SYNE3: variants seen among roughly 807,000 people sequenced by gnomAD.
SYNE3 encodes the protein nesprin-3.
A neutral mutation model predicts 111.2 loss-of-function variants in SYNE3; 100 were observed. The observed-to-expected ratio is 0.90, with a 90% CI of 0.77 to 1.06. SYNE3 has a LOEUF of 1.06. Among genes scored for constraint, SYNE3 ranks in the 50% least tolerant of loss-of-function variants. SYNE3 has a pLI of 0.00. For synonymous variants in SYNE3, 547 were observed against 533.9 expected (o/e 1.02, Z -0.34); for missense variants, 1,160 against 1,240.3 (o/e 0.94, Z 0.97).
In SYNE3 at chr14:95,479,939, A is replaced by G. The variant is rs1008450645; in HGVS notation, c.-14-4104T>C. ...AGACTGGGGTCACTGCAGAAATGGC[A>G]GACGCACACGGCCAAGGACAATGAG... On this transcript the variant is annotated intron_variant, in intron 1 of 17. Coordinates refer to ENST00000682763, the MANE Select transcript of SYNE3 (RefSeq NM_152592.6). Among the ~76,000 whole-genome samples, 6 of 152,162 alleles carry G rather than the reference A, an allele frequency of 3.9e-5. No homozygotes were observed. The East Asian group carries it at 1.2e-3, about 29-fold the overall frequency.
In SYNE3 at chr14:95,417,940, G is replaced by C. The variant is rs1477631095; in HGVS notation, c.2814C>G (p.Leu938=). ...TGATTGGGAGCAGGAACAGCAGGAG[G>C]AGGAACAGCAGCAGAAGCAGCTGCA... is the stretch of plus-strand genomic sequence containing the variant. The part of the protein sequence containing the change: ...LPLQLLLLLF[L]LLLFLLPIRE... Residue 938 remains leucine, a synonymous_variant, in exon 18 of 18, where the codon CTC becomes CTG. Coordinates refer to ENST00000682763, the MANE Select transcript of SYNE3 (RefSeq NM_152592.6). The C allele has an allele frequency of 6.2e-6, 10 of 1,614,026 alleles. No homozygotes were observed. The highest frequency in any genetic ancestry group is 8.5e-6 in the Non-Finnish European group (10 of 1,180,018).
At chr14:95,509,015 A>T (rs546294898) in intron 1 of SYNE3, among the ~76,000 whole-genome samples, 28 of 152,380 alleles carry the variant, frequency 1.8e-4, no homozygotes, top group Non-Finnish European at 2.9e-4. Context: ...AGTAGTAATA[A>T]TAGCGTGCTC....
intron 1 of SYNE3, among the ~76,000 whole-genome samples, chr14:95,498,971 T>C (rs1890213824): frequency 6.6e-6 from 1 of 152,138 alleles, no homozygotes; most frequent in Admixed American, 6.5e-5. Context: ...ACCATTCGAA[T>C]CTCACTTTTA....
chr14:95,448,907 G>A (rs914484582), intron 8 of SYNE3, among the ~76,000 whole-genome samples: 8 of 152,210 alleles, frequency 5.3e-5, no homozygotes, highest in South Asian at 4.1e-4. Context: ...CCTGTGGCTT[G>A]TGGGATAATG....
chr14:95,420,711 A>AACAC (rs1009627085), intron 17 of SYNE3, among the ~76,000 whole-genome samples: 32 of 150,694 alleles, frequency 2.1e-4, no homozygotes, highest in African/African-American at 7.1e-4. Context: ...TGCTTAGGAA[A>AACAC]ACACACACAC....
chr14:95,463,209 C>CG (rs140535710), intron 4 of SYNE3, among the ~76,000 whole-genome samples: 7,865 of 152,108 alleles, frequency 0.052, 378 homozygotes, highest in African/African-American at 0.13. Flanking sequence ...CATAAAAAGA[C>CG]TGGGGGAGCA....
chr14:95,468,723 A>G (rs1171504280), intron 2 of SYNE3, among the ~76,000 whole-genome samples: 1 of 151,824 alleles, frequency 6.6e-6, no homozygotes, highest in Non-Finnish European at 1.5e-5. Context: ...CTTCCTCCCC[A>G]TATTCTCCCA....
intron 1 of SYNE3, among the ~76,000 whole-genome samples, chr14:95,501,908 C>T (rs762821011): frequency 2.0e-5 from 3 of 152,152 alleles, no homozygotes; most frequent in Non-Finnish European, 2.9e-5. Context: ...GGTTTTCTGT[C>T]TTCACAGACT....
chr14:95,439,257 G>A (rs994450200), intron 13 of SYNE3, 95 bp from the exon 14 acceptor site: 78 of 1,539,444 alleles, frequency 5.1e-5, no homozygotes, highest in East Asian at 2.9e-4. Context: ...CACGGGTCAC[G>A]AGTCAGTGCC....
chr14:95,501,716 G>C (rs1010843516), intron 1 of SYNE3, among the ~76,000 whole-genome samples: 5 of 139,636 alleles, frequency 3.6e-5, no homozygotes, highest in African/African-American at 1.3e-4. Context: ...CCACAGGAGG[G>C]AAGGGCATGG....
At chr14:95,425,703 G>A (rs1885392232) in intron 17 of SYNE3, among the ~76,000 whole-genome samples, 2 of 152,238 alleles carry the variant, frequency 1.3e-5, no homozygotes, top group African/African-American at 4.8e-5. Context: ...GATGAGAGGA[G>A]GTCTATGGGA....
At chr14:95,445,108 C>G (rs139999775) in intron 9 of SYNE3, among the ~76,000 whole-genome samples, 135 of 152,308 alleles carry the variant, frequency 8.9e-4, no homozygotes, top group Admixed American at 2.0e-3. Context: ...TTATTTGTGT[C>G]TACCAGCAAA....
Position 95,475,716 on chromosome 14 carries a change from G to T in SYNE3, c.106C>A (p.Pro36Thr), listed in dbSNP as rs748312825. The change falls in exon 2 of 18, where the codon CCC becomes ACC. Residue 36 changes from proline to threonine, a missense_variant. Transcript: ENST00000682763. ...AGCCTGGCCTCCAGGGCCGCGCGGG[G>T]TCCCTGCGTGTTGTCATTGACCTGC... Reference protein sequence around the residue: ...QLQVNDNTQGPRAALEARLWE... With the variant: ...QLQVNDNTQGTRAALEARLWE... The T allele has an allele frequency of 1.2e-6, 2 of 1,602,852 alleles. No individual in the cohort carries two copies. The highest frequency in any genetic ancestry group is 1.7e-6 in the Non-Finnish European group (2 of 1,175,462).
chr14:95,461,375 A>T (rs1484376738), intron 4 of SYNE3, among the ~76,000 whole-genome samples: 1 of 152,086 alleles, frequency 6.6e-6, no homozygotes, highest in Non-Finnish European at 1.5e-5. Context: ...CAAACAAACA[A>T]GCCCCTCCCC....
rs1903620907 is a variant in SYNE3 at position 95,417,611 on chromosome 14, C to T, written c.*215G>A. ...ATATAAAAATTCTAGACATTATTCC[C>T]TAGTCACATGTAGTACACATTTAGT... On this transcript the variant is annotated 3_prime_UTR_variant, in exon 18 of 18. Coordinates refer to ENST00000682763, the MANE Select transcript of SYNE3 (RefSeq NM_152592.6). The T allele has an allele frequency of 1.7e-6, 1 of 593,774 alleles. No homozygotes were observed. Among genetic ancestry groups the T allele is most frequent in the Admixed American group, 2.9e-5 (1 of 33,954 alleles). The allele number at this position is 593,774 out of a possible 1,614,324, so 36.8% of individuals were successfully genotyped here.
Position 95,482,359 on chromosome 14 carries a change from G to A in SYNE3, c.-14-6524C>T, listed in dbSNP as rs544387055. Among the ~76,000 whole-genome samples, 5 of 152,280 alleles carry A rather than the reference G, an allele frequency of 3.3e-5. No homozygotes were observed. In the South Asian group the frequency reaches 6.2e-4, roughly 19 times the overall value. ...TGAGGCAGGAGAATCGCTTGAACCC[G>A]GGAGGCAGAGGTTGCACTGAGAAGA... On this transcript the variant is annotated intron_variant, in intron 1 of 17. Transcript: ENST00000682763.
chr14:95,420,220 G>C (rs1192909397), intron 17 of SYNE3, among the ~76,000 whole-genome samples: 1 of 152,048 alleles, frequency 6.6e-6, no homozygotes, highest in Non-Finnish European at 1.5e-5. Flanking sequence ...GTGACACATT[G>C]TTTAAGCGGC....
intron 1 of SYNE3, among the ~76,000 whole-genome samples, chr14:95,502,082 T>C (rs756698725): frequency 1.8e-4 from 27 of 152,144 alleles, no homozygotes; most frequent in Admixed American, 3.3e-4. Flanking sequence ...CAAAGTAGCA[T>C]GACTTTGACC....
rs1207895568 is a variant in SYNE3 at position 95,500,482 on chromosome 14, G to T, written c.-15+16114C>A. On this transcript the variant is annotated intron_variant, in intron 1 of 17. Coordinates refer to ENST00000682763, the MANE Select transcript of SYNE3 (RefSeq NM_152592.6). This position sits in a 1 kb window ranked among gnomAD's most constrained non-coding sequence, Gnocchi z 4.7. ...ACCTCAGCACCAGCGGCCGCCCACA[G>T]CCAGGCAGCAGGGAGAAGCTGCCCT... is the stretch of plus-strand genomic sequence containing the variant. Among the ~76,000 whole-genome samples the T allele has an allele frequency of 6.6e-6, 1 of 152,226 alleles. No individual in the cohort carries two copies.
Sources: gnomAD v4.1 joint callset for allele counts (sites outside exome capture counted in the v4.1 genomes callset) on GRCh38, gnomAD v4.1.1 for gene constraint, Gnocchi (gnomAD v3.1) non-coding constraint, MANE v1.5 for transcripts, NCBI Gene and HGNC (gene_info 2026-07-23, HGNC 2026-07-21) for gene names.